Variants in SLC6A6 observed in about 807,000 individuals in gnomAD.
SLC6A6 encodes solute carrier family 6 member 6.
In SLC6A6, 16 loss-of-function variants were observed where a neutral mutation model predicts 68.8. That is an observed-to-expected ratio of 0.23 (90% CI 0.16 to 0.35). The LOEUF (loss-of-function observed/expected upper bound fraction) is 0.35, where lower values mean the gene tolerates loss of function less well. Among genes scored for constraint, SLC6A6 ranks in the 10% least tolerant of loss-of-function variants. The pLI is 1.00. For synonymous variants in SLC6A6, 312 were observed against 315.4 expected, an observed-to-expected ratio of 0.99 and a Z score of 0.12; for missense variants, 474 against 802.8, an observed-to-expected ratio of 0.59 and a Z score of 4.95.
chr3:14,435,611 G>A (rs1198217387), intron 2 of SLC6A6, among the ~76,000 whole-genome samples: 1 of 152,226 alleles, frequency 6.6e-6, no homozygotes, highest in Non-Finnish European at 1.5e-5. Flanking sequence ...CAGGGCTGTA[G>A]GCCAGCCTGG....
rs58223644 is a variant in SLC6A6, at chr3:14,417,732, G to GAA, written c.-12+1295_-12+1296dup. On this transcript the variant is annotated intron_variant, in intron 2 of 14. Coordinates refer to ENST00000622186, the MANE Select transcript of SLC6A6 (RefSeq NM_003043.6). ...GGGCGACGCAGCGAGACTCCGTCTC[G>GAA]AAAAAAAAAAAAAAAAAGAGCAAGG... Among the ~76,000 whole-genome samples, 24 of 105,846 alleles carry GAA rather than the reference G, an allele frequency of 2.3e-4. 1 individual carries two copies. The highest frequency in any genetic ancestry group is 5.2e-4 in the African/African-American group (17 of 32,544). The allele number at this position is 105,846 out of a possible 152,430, so 69.4% of individuals were successfully genotyped here.
chr3:14,441,069 T>A (rs1023266022), intron 2 of SLC6A6, among the ~76,000 whole-genome samples: 36 of 152,260 alleles, frequency 2.4e-4, no homozygotes, highest in African/African-American at 8.4e-4. Flanking sequence ...TCCTCCTCCA[T>A]GTTTCTAGAG....
At chr3:14,483,229 CCCCACACTGGTACCCCGT>C (rs1701050472) in intron 14 of SLC6A6, among the ~76,000 whole-genome samples, 1 of 152,188 alleles carries the variant, frequency 6.6e-6, no homozygotes, top group Non-Finnish European at 1.5e-5. Context: ...GCAGGCTTCA[CCCCACACTGGTACCCCGT>C]CCTCCTGTGC....
At chr3:14,460,037 C>T (rs539001475) in intron 6 of SLC6A6, among the ~76,000 whole-genome samples, 1 of 152,202 alleles carries the variant, frequency 6.6e-6, no homozygotes, top group East Asian at 1.9e-4. Flanking sequence ...GCTGAGACCA[C>T]AGGCACATGC....
intron 9 of SLC6A6, among the ~76,000 whole-genome samples, chr3:14,471,146 T>A (rs1288167113): frequency 1.3e-5 from 2 of 150,792 alleles, no homozygotes; most frequent in African/African-American, 4.9e-5. Flanking sequence ...TTTTTTTTTT[T>A]TTTTTTAGTT....
intron 9 of SLC6A6, among the ~76,000 whole-genome samples, chr3:14,469,369 C>T (rs1559310731): frequency 6.6e-6 from 1 of 152,072 alleles, no homozygotes; most frequent in Admixed American, 6.5e-5. Flanking sequence ...CAGACACAGC[C>T]GGAGGCCCTG....
chr3:14,419,840 A>G (rs939447816), intron 2 of SLC6A6, among the ~76,000 whole-genome samples: 10 of 151,662 alleles, frequency 6.6e-5, no homozygotes, highest in Non-Finnish European at 1.3e-4. Flanking sequence ...GGCTGAGTCC[A>G]GAAATCAGAT....
chr3:14,438,301 T>C (rs904060799), intron 2 of SLC6A6, among the ~76,000 whole-genome samples: 5 of 152,144 alleles, frequency 3.3e-5, no homozygotes, highest in Non-Finnish European at 7.4e-5. Flanking sequence ...AGCATCCTGC[T>C]TAGTCCCTGG....
At chr3:14,418,033 G>A (rs1421179149) in intron 2 of SLC6A6, among the ~76,000 whole-genome samples, 1 of 152,124 alleles carries the variant, frequency 6.6e-6, no homozygotes, top group East Asian at 1.9e-4. Context: ...ATGGGATGTG[G>A]CCTGCGTGTG....
At chr3:14,412,730 C>A (rs2124900157) in intron 1 of SLC6A6, among the ~76,000 whole-genome samples, 1 of 152,304 alleles carries the variant, frequency 6.6e-6, no homozygotes, top group East Asian at 1.9e-4. Flanking sequence ...GGTCTGGGGA[C>A]CACTCTTTGA....
intron 2 of SLC6A6, among the ~76,000 whole-genome samples, chr3:14,427,940 T>G (rs1699638329): frequency 6.6e-6 from 1 of 152,196 alleles, no homozygotes; most frequent in Non-Finnish European, 1.5e-5. Flanking sequence ...GTACTTTGCA[T>G]GGGGAACTGC....
chr3:14,404,531 G>T (rs1699063017), intron 1 of SLC6A6, among the ~76,000 whole-genome samples: 1 of 152,244 alleles, frequency 6.6e-6, no homozygotes, highest in Non-Finnish European at 1.5e-5. Context: ...GGGTGGGGCA[G>T]ACTGGTTATA....
intron 7 of SLC6A6, among the ~76,000 whole-genome samples, chr3:14,467,565 T>G (rs1463868167): frequency 2.0e-5 from 3 of 152,178 alleles, no homozygotes; most frequent in Non-Finnish European, 4.4e-5. Flanking sequence ...GGAGTGATAT[T>G]TACTTGCCCA....
In SLC6A6 at chr3:14,468,828, C is replaced by T. The variant is rs1197527638; in HGVS notation, c.1096+616C>T. 6.6e-6 allele frequency among the ~76,000 whole-genome samples: 1 copy of T among 152,154 alleles called. No homozygotes were observed. The highest frequency in any genetic ancestry group is 1.9e-4 in the East Asian group (1 of 5,196). ...AGTGTCGCCCCTCGGGGTGTGGGCC[C>T]TGTTGACCAGGCACTCTTCCTCGGG... On this transcript the variant is annotated intron_variant, in intron 9 of 14. Coordinates refer to ENST00000622186, the MANE Select transcript of SLC6A6 (RefSeq NM_003043.6). This position sits in a 1 kb window ranked among gnomAD's most constrained non-coding sequence, Gnocchi z 4.5.
At chr3:14,425,774 C>G (rs1699582442) in intron 2 of SLC6A6, among the ~76,000 whole-genome samples, 1 of 152,142 alleles carries the variant, frequency 6.6e-6, no homozygotes, top group Non-Finnish European at 1.5e-5. Context: ...GGGAGACTAC[C>G]CATGGTCCTT....
chr3:14,468,856 A>C lies in SLC6A6; in HGVS notation c.1096+644A>C, dbSNP rs28391680. Among the ~76,000 whole-genome samples, 1 of 152,116 alleles carries C rather than the reference A, an allele frequency of 6.6e-6. No individual in the cohort carries two copies. The highest frequency in any genetic ancestry group is 1.5e-5 in the Non-Finnish European group (1 of 68,010). On this transcript the variant is annotated intron_variant, in intron 9 of 14. Transcript: ENST00000622186. This position sits in a 1 kb window ranked among gnomAD's most constrained non-coding sequence, Gnocchi z 4.5. The stretch of plus-strand genomic sequence containing the variant: ...TTGACCAGGCACTCTTCCTCGGGCT[A>C]CCTGGAGTCACAGGCATGGAGGATG...
At chr3:14,416,594 A>T (rs1336797536) in intron 2 of SLC6A6, 141 bp downstream of exon 2, 2 of 395,314 alleles carry the variant, frequency 5.1e-6, no homozygotes, top group African/African-American at 4.1e-5. Flanking sequence ...GACCTTGTCC[A>T]CACCTCACCT....
intron 1 of SLC6A6, among the ~76,000 whole-genome samples, chr3:14,415,026 C>G (rs1335303609): frequency 6.6e-6 from 1 of 152,184 alleles, no homozygotes; most frequent in Non-Finnish European, 1.5e-5. Flanking sequence ...TTCCACCACC[C>G]AAACCCACAG....
At chr3:14,437,968 C>T (rs1002494560) in intron 2 of SLC6A6, among the ~76,000 whole-genome samples, 10 of 149,784 alleles carry the variant, frequency 6.7e-5, no homozygotes, top group African/African-American at 9.8e-5. Flanking sequence ...GCTGGGATTA[C>T]AGGAGTGCAT....
Sources: gnomAD v4.1 joint callset for allele counts (sites outside exome capture counted in the v4.1 genomes callset) on GRCh38, gnomAD v4.1.1 for gene constraint, Gnocchi (gnomAD v3.1) non-coding constraint, MANE v1.5 for transcripts, NCBI Gene and HGNC (gene_info 2026-07-23, HGNC 2026-07-21) for gene names.